Variants in TSPAN8 observed in about 807,000 individuals in gnomAD.
TSPAN8 encodes tetraspanin 8.
In TSPAN8, 21 loss-of-function variants were observed where a neutral mutation model predicts 32.8. The observed-to-expected ratio is 0.64, with a 90% CI of 0.45 to 0.92. The LOEUF (loss-of-function observed/expected upper bound fraction) is 0.92. TSPAN8 is among the 40% of genes least tolerant of loss of function. TSPAN8 has a pLI of 0.00. For synonymous variants in TSPAN8, 95 were observed against 94.6 expected, an observed-to-expected ratio of 1.00 and a Z score of -0.03; for missense variants, 269 against 281.9, an observed-to-expected ratio of 0.95 and a Z score of 0.33.
chr12:71,132,854 G>A (rs370498795), intron 6 of TSPAN8, 30 bp from the exon 7 acceptor site: 14 of 1,612,426 alleles, frequency 8.7e-6, no homozygotes, highest in Non-Finnish European at 1.1e-5. Context: ...ATGAGAAGCA[G>A]TCAGTAAGAA....
At chr12:71,135,233 AGGAGGAGG>A (rs1565784135) in intron 6 of TSPAN8, among the ~76,000 whole-genome samples, 6 of 66,400 alleles carry the variant, frequency 9.0e-5, no homozygotes, top group Admixed American at 4.9e-4. Flanking sequence ...AAGAAGAAGG[AGGAGGAGG>A]AGGAGGAGGA....
chr12:71,139,351 T>C, intron 4 of TSPAN8: 1 of 450,176 alleles, frequency 2.2e-6, no homozygotes, highest in African/African-American at 2.0e-5. Context: ...GCCCTTTGCT[T>C]CTGGGGCCAC....
intron 2 of TSPAN8, among the ~76,000 whole-genome samples, chr12:71,150,094 G>A (rs549021853): frequency 4.9e-4 from 74 of 152,232 alleles, no homozygotes; most frequent in African/African-American, 1.6e-3. Context: ...ACTGAAATAC[G>A]CCCTGGTCTC....
intron 2 of TSPAN8, among the ~76,000 whole-genome samples, chr12:71,153,346 G>A (rs1212720927): frequency 1.3e-5 from 2 of 152,206 alleles, no homozygotes; most frequent in East Asian, 3.8e-4. Flanking sequence ...TCTAGCATGA[G>A]TGATCAGGAA....
In TSPAN8 at chr12:71,156,257, AAAAAAAAAAAACAAAC is replaced by A. The variant is rs1473495019; in HGVS notation, c.60+1346_60+1361del. ...TGAATATTCAAAGTTCTCCAAAAAA[AAAAAAAAAAAACAAAC>A]AAAAAAAAAACTAGAAACAAAACAA... On this transcript the variant is annotated intron_variant, in intron 2 of 8. Coordinates refer to ENST00000247829, the MANE Select transcript of TSPAN8 (RefSeq NM_004616.3). Among the ~76,000 whole-genome samples, 421 of 104,382 alleles carry A rather than the reference AAAAAAAAAAAACAAAC, an allele frequency of 4.0e-3. 29 individuals are homozygous for A. Among genetic ancestry groups the A allele is most frequent in the African/African-American group, 0.015 (394 of 25,770 alleles). The allele number at this position is 104,382 out of a possible 152,430, so 68.5% of individuals were successfully genotyped here. A position where few individuals can be genotyped will look rare whatever the true frequency, so the allele number is the denominator to read the frequency against.
chr12:71,151,165 G>A (rs1872243187), intron 2 of TSPAN8, among the ~76,000 whole-genome samples: 1 of 151,578 alleles, frequency 6.6e-6, no homozygotes, highest in African/African-American at 2.4e-5. Context: ...CCGGGTTCAT[G>A]CCATTCTCCT....
intron 2 of TSPAN8, among the ~76,000 whole-genome samples, chr12:71,156,166 T>C (rs1001197500): frequency 2.0e-5 from 3 of 149,384 alleles, no homozygotes; most frequent in Non-Finnish European, 4.4e-5. Context: ...TGGAGAAAGA[T>C]TGGCCATCTT....
intron 8 of TSPAN8, among the ~76,000 whole-genome samples, chr12:71,126,215 T>C (rs1871345626): frequency 6.6e-6 from 1 of 152,206 alleles, no homozygotes; most frequent in Non-Finnish European, 1.5e-5. Context: ...TGAGACTTTC[T>C]GCTTACTAAC....
intron 2 of TSPAN8, among the ~76,000 whole-genome samples, chr12:71,151,664 C>G (rs980429926): frequency 1.3e-5 from 2 of 152,138 alleles, no homozygotes; most frequent in African/African-American, 4.8e-5. Flanking sequence ...ATTTGAAAAG[C>G]CTGGGAAAAA....
intron 3 of TSPAN8, 140 bp from the exon 4 acceptor site, chr12:71,139,988 T>A: frequency 3.4e-6 from 1 of 293,500 alleles, no homozygotes; most frequent in Non-Finnish European, 5.4e-6. Context: ...TCTTAAAAAG[T>A]ACAAATCCTT....
chr12:71,139,678 G>A, intron 4 of TSPAN8, 33 bp downstream of exon 4: 1 of 1,609,504 alleles, frequency 6.2e-7, no homozygotes. Flanking sequence ...GGAGTCTGAA[G>A]GTTGGACACT....
At chr12:71,125,670 G>A (rs980935098) in intron 8 of TSPAN8, among the ~76,000 whole-genome samples, 1 of 152,134 alleles carries the variant, frequency 6.6e-6, no homozygotes, top group South Asian at 2.1e-4. Context: ...TGCCACCAGA[G>A]GACCTACTCC....
At chr12:71,139,646 T>C in intron 4 of TSPAN8, 65 bp downstream of exon 4, 1 of 1,561,240 alleles carries the variant, frequency 6.4e-7, no homozygotes, top group South Asian at 1.2e-5. Flanking sequence ...TAACAGACAA[T>C]AGGGATGGGA....
chr12:71,129,304 A>G, intron 8 of TSPAN8, 27 bp downstream of exon 8: 1 of 1,518,068 alleles, frequency 6.6e-7, no homozygotes, highest in South Asian at 1.3e-5. Context: ...GGAATAAAAG[A>G]GTCAATAATA....
At chr12:71,139,292 A>T in intron 4 of TSPAN8, 1 of 462,034 alleles carries the variant, frequency 2.2e-6, no homozygotes, top group Non-Finnish European at 4.3e-6. Context: ...CACTCATACA[A>T]ATACCTTATT....
At chr12:71,154,159 A>C (rs573715540) in intron 2 of TSPAN8, among the ~76,000 whole-genome samples, 108 of 152,024 alleles carry the variant, frequency 7.1e-4, no homozygotes, top group Non-Finnish European at 1.2e-3. Context: ...AAATACAAAA[A>C]GTTAGCTGGG....
At chr12:71,125,556 C>A (rs1218215174) in intron 8 of TSPAN8, among the ~76,000 whole-genome samples, 169 bp from the exon 9 acceptor site, 1 of 152,136 alleles carries the variant, frequency 6.6e-6, no homozygotes, top group African/African-American at 2.4e-5. Context: ...GACAAAAGAG[C>A]ACTGCAAAAG....
At position 71,157,453 on chromosome 12, in the gene TSPAN8, T is replaced by C. The variant is rs577084236; in HGVS notation, c.60+166A>G. ...TTTTGAGTCCTTGGCTCATTTTCAATTACTGAAATAACCAAAGAAAGAACA... is the reference window on the plus strand; with the variant it reads ...TTTTGAGTCCTTGGCTCATTTTCAACTACTGAAATAACCAAAGAAAGAACA... On this transcript the variant is annotated intron_variant, in intron 2 of 8. Transcript: ENST00000247829. 5 of 530,592 alleles carry C rather than the reference T, an allele frequency of 9.4e-6. No homozygotes were observed. In the East Asian group the frequency reaches 1.4e-4, roughly 15 times the overall value. 32.9% of individuals were successfully genotyped at this position (530,592 alleles called of 1,614,324 possible). A position where few individuals can be genotyped will look rare whatever the true frequency, so the allele number is the denominator to read the frequency against.
At chr12:71,151,204 C>CT (rs1326014250) in intron 2 of TSPAN8, among the ~76,000 whole-genome samples, 1 of 152,030 alleles carries the variant, frequency 6.6e-6, no homozygotes, top group Non-Finnish European at 1.5e-5. Flanking sequence ...GCTAGGACTA[C>CT]AGGTGTCAGC....
Sources: allele counts gnomAD v4.1 joint callset (sites outside exome capture counted in the v4.1 genomes callset), GRCh38; gene constraint gnomAD v4.1.1; transcripts MANE v1.5; gene names NCBI Gene and HGNC (gene_info 2026-07-23, HGNC 2026-07-21).